Variants in PRR5 observed in about 807,000 individuals in gnomAD.
PRR5 encodes proline rich 5.
PRR5 carries 25 observed loss-of-function variants against 30.6 expected under a neutral mutation model. The observed-to-expected ratio is 0.82, with a 90% CI of 0.60 to 1.14. PRR5 has a LOEUF of 1.14. PRR5 is among the 50% of genes most tolerant of loss of function. The pLI is 0.00. For synonymous variants in PRR5, 286 were observed against 247.1 expected, an observed-to-expected ratio of 1.16 and a Z score of -1.48; for missense variants, 600 against 547.1, an observed-to-expected ratio of 1.10 and a Z score of -0.96.
intron 1 of PRR5, among the ~76,000 whole-genome samples, chr22:44,710,428 C>T (rs2147057063): frequency 6.6e-6 from 1 of 152,242 alleles, no homozygotes; most frequent in African/African-American, 2.4e-5. Flanking sequence ...AGGCGGTCCA[C>T]ATCTGGACAA....
At chr22:44,720,850 G>A (rs1310480656) in intron 2 of PRR5, among the ~76,000 whole-genome samples, 1 of 152,190 alleles carries the variant, frequency 6.6e-6, no homozygotes, top group Non-Finnish European at 1.5e-5. Flanking sequence ...TGGGTGAGAG[G>A]AAATGTCAGA....
At chr22:44,728,638 T>C (rs1188134069) in intron 4 of PRR5, among the ~76,000 whole-genome samples, 4 of 152,214 alleles carry the variant, frequency 2.6e-5, no homozygotes, top group Non-Finnish European at 5.9e-5. Context: ...TTTGGCCCCA[T>C]GCAGTGGGGA....
chr22:44,716,651 G>C (rs1467491811), intron 2 of PRR5, among the ~76,000 whole-genome samples: 1 of 152,222 alleles, frequency 6.6e-6, no homozygotes, highest in African/African-American at 2.4e-5. Context: ...TGGGTTGCTT[G>C]AGGTCACAGG....
chr22:44,726,486 C>T, intron 3 of PRR5, 91 bp from the exon 4 acceptor site: 9 of 1,588,274 alleles, frequency 5.7e-6, no homozygotes, highest in South Asian at 2.2e-5. Context: ...CTTGGCTGCT[C>T]ACTGGTGGAT....
intron 1 of PRR5, among the ~76,000 whole-genome samples, chr22:44,708,639 A>G (rs1437238998): frequency 6.6e-6 from 1 of 151,812 alleles, no homozygotes; most frequent in Non-Finnish European, 1.5e-5. Flanking sequence ...TGAGCTCAAT[A>G]CTCCCATTTT....
upstream of PRR5, among the ~76,000 whole-genome samples, chr22:44,697,893 T>C (rs1285081125): frequency 3.3e-5 from 5 of 152,210 alleles, no homozygotes; most frequent in South Asian, 1.0e-3. Flanking sequence ...CCCTGTATCA[T>C]GCCTATAGTA....
Position 44,702,548 on chromosome 22 carries a change from C to G in PRR5, c.74C>G (p.Ala25Gly), listed in dbSNP as rs1926493647. Residue 25 changes from alanine to glycine, a missense_variant, in exon 1 of 8, where the codon GCC becomes GGC. Transcript: ENST00000336985. ...GACCTGGGCAAGAGAGAGCCGGCCG[C>G]CGCCGCGGACGAGCGGGGCACGCAG... ...LSDLGKREPA[A>G]AADERGTQQR... The G allele has an allele frequency of 4.8e-6, 7 of 1,447,264 alleles. No homozygotes were observed. In the Admixed American group the frequency reaches 1.8e-4, roughly 36 times the overall value. 89.7% of individuals were successfully genotyped at this position (1,447,264 alleles called of 1,614,324 possible).
At chr22:44,677,540 TGCATGGG>T (rs1304196896) in intron 1 of PRR5, among the ~76,000 whole-genome samples, 5 of 152,356 alleles carry the variant, frequency 3.3e-5, no homozygotes, top group Admixed American at 3.3e-4. Context: ...TTCCTACTGC[TGCATGGG>T]GTGGGACGAA....
chr22:44,674,204 G>C (rs1031480235), upstream of PRR5, among the ~76,000 whole-genome samples: 2 of 151,604 alleles, frequency 1.3e-5, no homozygotes, highest in Non-Finnish European at 2.9e-5. Flanking sequence ...GCCCAGGCTG[G>C]AGTGCAGTGG....
At chr22:44,708,486 A>C (rs6006849) in intron 1 of PRR5, among the ~76,000 whole-genome samples, 48,267 of 151,798 alleles carry the variant, frequency 0.32, 8,049 homozygotes, top group East Asian at 0.49. Context: ...GGCTGTGACC[A>C]CTCCAGCCAC....
Position 44,737,003 on chromosome 22 carries a change from G to T in PRR5, c.923G>T (p.Arg308Met), listed in dbSNP as rs1197545877. The T allele has an allele frequency of 1.2e-6, 2 of 1,600,048 alleles. No homozygotes were observed. The highest frequency in any genetic ancestry group is 1.7e-6 in the Non-Finnish European group (2 of 1,173,442). ...PPGQGPTGTF[R>M]SSPAPHSGPC... ...GGCCAGGGCCCCACCGGGACCTTCA[G>T]GTCCTCCCCGGCGCCCCACTCAGGG... is the stretch of plus-strand genomic sequence containing the variant. Residue 308 changes from arginine (R) to methionine (M), a missense_variant, in exon 8 of 8, where the codon AGG (arginine) becomes ATG (methionine). Coordinates refer to ENST00000336985, the MANE Select transcript of PRR5 (RefSeq NM_181333.4).
At chr22:44,694,349 C>T (rs900786719) in intron 1 of PRR5, among the ~76,000 whole-genome samples, 16 of 152,264 alleles carry the variant, frequency 1.1e-4, no homozygotes, top group Non-Finnish European at 1.6e-4. Flanking sequence ...ACCAGCCTGG[C>T]CAACATGGTG....
intron 4 of PRR5, chr22:44,729,209 A>C (rs945711313): frequency 2.5e-6 from 2 of 791,572 alleles, no homozygotes; most frequent in African/African-American, 3.8e-5. Flanking sequence ...CCCGCGCCAG[A>C]CACCCTTGAC....
chr22:44,703,518 G>C (rs1011352157), intron 1 of PRR5, among the ~76,000 whole-genome samples: 14 of 152,136 alleles, frequency 9.2e-5, no homozygotes, highest in African/African-American at 3.4e-4. Context: ...GTGGGCTCAG[G>C]GCTGCCAGCG....
chr22:44,681,330 C>T (rs989653347), intron 1 of PRR5, among the ~76,000 whole-genome samples: 1 of 152,134 alleles, frequency 6.6e-6, no homozygotes, highest in Non-Finnish European at 1.5e-5. Flanking sequence ...TGGCTTATGC[C>T]TCTAATCCCA....
chr22:44,693,616 CTTTTTTT>C lies in PRR5; in HGVS notation c.-10-8859_-10-8853del, dbSNP rs1228023916. Among the ~76,000 whole-genome samples, 31 of 90,568 alleles carry C rather than the reference CTTTTTTT, an allele frequency of 3.4e-4. 1 individual carries two copies. The highest frequency in any genetic ancestry group is 9.5e-4 in the African/African-American group (24 of 25,376). The allele number at this position is 90,568 out of a possible 152,430, so 59.4% of individuals were successfully genotyped here. On this transcript the variant is annotated intron_variant, in intron 1 of 8. Transcript: ENST00000006251. ...TCTGTGACTTCACATTTCACATGGACTTTTTTTTTTTTTTTTTTTTTTTCTGAGGTGG... is the reference window on the plus strand; with the variant it reads ...TCTGTGACTTCACATTTCACATGGACTTTTTTTTTTTTTTTTCTGAGGTGG...
chr22:44,675,768 A>G (rs528080331), upstream of PRR5, among the ~76,000 whole-genome samples: 1 of 133,642 alleles, frequency 7.5e-6, no homozygotes, highest in African/African-American at 3.3e-5. Flanking sequence ...TGTTGTTATT[A>G]TTATTATTAT....
At chr22:44,730,208 G>T (rs1425803128) in intron 4 of PRR5, 3 of 985,262 alleles carry the variant, frequency 3.0e-6, no homozygotes, top group Non-Finnish European at 3.6e-6. Flanking sequence ...AAAGGTCCCT[G>T]TTCAGCCTCC....
rs572455103 is a variant in PRR5 at position 44,707,386 on chromosome 22, C to T, written c.134+4778C>T. ...GAGGGCCTGCACGCCAGCCTCAGGACCCAGGGCATGAGGGTGCCCTGCTTG... is the reference window on the plus strand; with the variant it reads ...GAGGGCCTGCACGCCAGCCTCAGGATCCAGGGCATGAGGGTGCCCTGCTTG... On this transcript the variant is annotated intron_variant, in intron 1 of 7. Transcript: ENST00000336985. Among the ~76,000 whole-genome samples the T allele has an allele frequency of 1.4e-4, 21 of 152,290 alleles. No homozygotes were observed. The South Asian group carries it at 4.1e-3, about 30-fold the overall frequency.
Sources: allele counts gnomAD v4.1 joint callset (sites outside exome capture counted in the v4.1 genomes callset), GRCh38; gene constraint gnomAD v4.1.1; transcripts MANE v1.5; gene names NCBI Gene and HGNC (gene_info 2026-07-23, HGNC 2026-07-21).